ADARB2: variants seen among roughly 807,000 people sequenced by gnomAD.
ADARB2 encodes inactive double-stranded RNA-specific editase B2.
In ADARB2, 25 loss-of-function variants were observed where a neutral mutation model predicts 62.2. That is an observed-to-expected ratio of 0.40 (90% confidence interval 0.29 to 0.56). The LOEUF (loss-of-function observed/expected upper bound fraction) is 0.56. Ranked by LOEUF, ADARB2 falls within the 20% of genes least tolerant of loss-of-function variation. ADARB2 has a pLI of 0.43. For missense variants in ADARB2, 1,071 were observed against 1,077.4 expected (o/e 0.99, Z 0.08); for synonymous variants, 572 against 500.8 (o/e 1.14, Z -1.90).
chr10:1,688,136 T>G (rs1448369147), intron 1 of ADARB2, among the ~76,000 whole-genome samples: 3 of 152,244 alleles, frequency 2.0e-5, no homozygotes, highest in African/African-American at 4.8e-5. Flanking sequence ...GGAGTCACTG[T>G]GCTGATTCGT....
intron 2 of ADARB2, among the ~76,000 whole-genome samples, chr10:1,365,319 G>T: frequency 6.6e-6 from 1 of 152,152 alleles, no homozygotes; most frequent in East Asian, 1.9e-4. Flanking sequence ...CTTAGGAACT[G>T]TTGTGAGTGT....
chr10:1,534,002 G>C (rs1339553968), intron 1 of ADARB2, among the ~76,000 whole-genome samples: 2 of 148,834 alleles, frequency 1.3e-5, no homozygotes, highest in African/African-American at 4.9e-5. Flanking sequence ...GCAGGTTGAA[G>C]AGACTGGGTT....
At chr10:1,346,959 C>T (rs1379469588) in intron 3 of ADARB2, among the ~76,000 whole-genome samples, 3 of 152,230 alleles carry the variant, frequency 2.0e-5, no homozygotes, top group Non-Finnish European at 4.4e-5. Context: ...GAAAGCAGCC[C>T]CCAGCATATG....
chr10:1,607,688 C>T (rs116761613), intron 1 of ADARB2, among the ~76,000 whole-genome samples: 1 of 152,146 alleles, frequency 6.6e-6, no homozygotes, highest in African/African-American at 2.4e-5. Context: ...CTGCCCGCAG[C>T]GACATGCATA....
intron 4 of ADARB2, among the ~76,000 whole-genome samples, chr10:1,242,664 C>A (rs981599651): frequency 6.6e-6 from 1 of 152,204 alleles, no homozygotes; most frequent in African/African-American, 2.4e-5. Context: ...GTGCTAGCTG[C>A]GGCCTGGGCT....
At chr10:1,618,008 C>T (rs911087909) in intron 1 of ADARB2, among the ~76,000 whole-genome samples, 4 of 152,222 alleles carry the variant, frequency 2.6e-5, no homozygotes, top group Admixed American at 6.5e-5. Context: ...CTGCATCTCC[C>T]CGGGAGCTTC....
chr10:1,591,854 A>G (rs1279043825), intron 1 of ADARB2, among the ~76,000 whole-genome samples: 1 of 152,208 alleles, frequency 6.6e-6, no homozygotes, highest in African/African-American at 2.4e-5. Context: ...TAGCGCTGGT[A>G]TCTTGTAAGT....
chr10:1,594,162 C>T (rs1314026382), intron 1 of ADARB2, among the ~76,000 whole-genome samples: 6 of 152,154 alleles, frequency 3.9e-5, no homozygotes, highest in South Asian at 2.1e-4. Context: ...TGGTGGCGGG[C>T]GCCTGTAATC....
chr10:1,646,410 A>T (rs1000632431), intron 1 of ADARB2, among the ~76,000 whole-genome samples: 1 of 152,242 alleles, frequency 6.6e-6, no homozygotes, highest in Non-Finnish European at 1.5e-5. Flanking sequence ...GAATCCACAA[A>T]CAATGAACAG....
chr10:1,595,537 G>T (rs542728776), intron 1 of ADARB2, among the ~76,000 whole-genome samples: 14 of 152,244 alleles, frequency 9.2e-5, no homozygotes, highest in Admixed American at 3.9e-4. Context: ...GCTGCCATCA[G>T]GGTCAGAGGC....
intron 3 of ADARB2, among the ~76,000 whole-genome samples, chr10:1,288,803 G>A (rs1383633642): frequency 1.3e-5 from 2 of 152,206 alleles, no homozygotes; most frequent in East Asian, 3.8e-4. Flanking sequence ...TCCCTGAATA[G>A]GGGTTTCTGA....
At chr10:1,472,672 T>A (rs1831340273) in intron 1 of ADARB2, among the ~76,000 whole-genome samples, 2 of 152,198 alleles carry the variant, frequency 1.3e-5, no homozygotes, top group African/African-American at 4.8e-5. Flanking sequence ...CGGCACAACC[T>A]CTTGATCGCT....
chr10:1,702,387 G>A (rs1834832395), intron 1 of ADARB2, among the ~76,000 whole-genome samples: 1 of 152,138 alleles, frequency 6.6e-6, no homozygotes, highest in South Asian at 2.1e-4. Context: ...GAATACAAAG[G>A]CTGAGGAGGG....
At chr10:1,234,083 G>C (rs1830837352) in intron 5 of ADARB2, among the ~76,000 whole-genome samples, 1 of 146,468 alleles carries the variant, frequency 6.8e-6, no homozygotes, top group South Asian at 2.1e-4. Context: ...CAATTCTTCT[G>C]CCTTGAGTAT....
At chr10:1,267,890 T>G (rs1001088112) in intron 4 of ADARB2, among the ~76,000 whole-genome samples, 49 of 152,250 alleles carry the variant, frequency 3.2e-4, no homozygotes, top group African/African-American at 1.2e-3. Context: ...GCTGTTACAA[T>G]CACTCAAAAG....
At position 1,235,477 on chromosome 10, in the gene ADARB2, TCTCCCGGTGTTTACTCCCCTCTCC is replaced by T. The variant is rs1301308883; in HGVS notation, c.1362-1656_1362-1633del. ...TTCCTTCTTCGGTGTTTACCCTCTG[TCTCCCGGTGTTTACTCCCCTCTCC>T]CTCCCGGTGTTTACTCCCCTCTGCC... On this transcript the variant is annotated intron_variant, in intron 5 of 9. Coordinates refer to ENST00000381312, the MANE Select transcript of ADARB2 (RefSeq NM_018702.4). Among the ~76,000 whole-genome samples the T allele has an allele frequency of 7.3e-4, 8 of 11,014 alleles. 1 individual carries two copies. In the South Asian group the frequency reaches 9.0e-3, roughly 12 times the overall value. The allele number at this position is 11,014 out of a possible 152,430, so 7.2% of individuals were successfully genotyped here.
chr10:1,699,576 A>G (rs12268780), intron 1 of ADARB2, among the ~76,000 whole-genome samples: 3 of 138,092 alleles, frequency 2.2e-5, no homozygotes, highest in Admixed American at 1.4e-4. Context: ...GCGCTCGCCA[A>G]TACACTCAAT....
In ADARB2 at chr10:1,549,350, G is replaced by A. The variant is rs532266686; in HGVS notation, c.101-170190C>T. On this transcript the variant is annotated intron_variant, in intron 1 of 9. Coordinates refer to ENST00000381312, the MANE Select transcript of ADARB2 (RefSeq NM_018702.4). Reference sequence around the variant, plus strand: ...CTGTCTCTGTTTAGCAGGGACACAAGGCGCTCTTTTTGAAAGCCCTGGGAG... The same window carrying A: ...CTGTCTCTGTTTAGCAGGGACACAAAGCGCTCTTTTTGAAAGCCCTGGGAG... 7.9e-5 allele frequency among the ~76,000 whole-genome samples: 12 copies of A among 152,288 alleles called. No homozygotes were observed. The South Asian group carries it at 2.5e-3, about 32-fold the overall frequency.
intron 3 of ADARB2, among the ~76,000 whole-genome samples, chr10:1,318,781 A>G (rs2131826572): frequency 6.6e-6 from 1 of 152,300 alleles, no homozygotes. Context: ...TGTGTTGGCC[A>G]CAGTTGGAAT....
Sources: gnomAD v4.1 joint callset for allele counts (sites outside exome capture counted in the v4.1 genomes callset) on GRCh38, gnomAD v4.1.1 for gene constraint, MANE v1.5 for transcripts, NCBI Gene and HGNC (gene_info 2026-07-23, HGNC 2026-07-21) for gene names.